HRH1: variants seen among roughly 807,000 people sequenced by gnomAD.
HRH1 encodes the protein histamine receptor H1.
In HRH1, 6 loss-of-function variants were observed where a neutral mutation model predicts 10.3. That is an observed-to-expected ratio of 0.58 (90% CI 0.32 to 1.15). The LOEUF (loss-of-function observed/expected upper bound fraction) is 1.15. Among genes scored for constraint, HRH1 ranks in the 50% most tolerant of loss-of-function variants. The pLI is 0.05. For synonymous variants in HRH1, 242 were observed against 236.7 expected (o/e 1.02, Z -0.21); for missense variants, 514 against 615.3 (o/e 0.84, Z 1.74).
chr3:11,159,585 T>A (rs945625022), intron 1 of HRH1, among the ~76,000 whole-genome samples: 4 of 152,244 alleles, frequency 2.6e-5, no homozygotes, highest in Non-Finnish European at 5.9e-5. Flanking sequence ...TATTTCCAGC[T>A]TATATTTACA....
chr3:11,153,742 C>T (rs1936706237), upstream of HRH1, among the ~76,000 whole-genome samples: 1 of 151,820 alleles, frequency 6.6e-6, no homozygotes. Context: ...TCCCGGGGAC[C>T]TGCAGAGGGG....
At chr3:11,256,348 T>C (rs1939781962) in intron 1 of HRH1, among the ~76,000 whole-genome samples, 1 of 152,126 alleles carries the variant, frequency 6.6e-6, no homozygotes, top group South Asian at 2.1e-4. Flanking sequence ...CATGAGAAGA[T>C]GGAGGCCAAG....
Position 11,163,620 on chromosome 3 carries a change from C to T in HRH1, c.-36+9066C>T, listed in dbSNP as rs562600378. ...CCCCTATAAGGTTGTGAGGCCTCAC[C>T]CCTATAAGGCTAATATGTCAAATGT... is the stretch of plus-strand genomic sequence containing the variant. On this transcript the variant is annotated intron_variant, in intron 1 of 1. Transcript: ENST00000431010. Among the ~76,000 whole-genome samples, 6 of 152,216 alleles carry T rather than the reference C, an allele frequency of 3.9e-5. No individual in the cohort carries two copies. In the South Asian group the frequency reaches 1.2e-3, roughly 32 times the overall value.
At chr3:11,140,610 C>T (rs1344830542) in intron 1 of HRH1, among the ~76,000 whole-genome samples, 2 of 152,260 alleles carry the variant, frequency 1.3e-5, no homozygotes, top group Admixed American at 6.5e-5. Flanking sequence ...CGGGTGACCT[C>T]TTCCTGAAAC....
intron 1 of HRH1, among the ~76,000 whole-genome samples, chr3:11,212,686 A>T (rs984540063): frequency 6.6e-6 from 1 of 152,220 alleles, no homozygotes; most frequent in Non-Finnish European, 1.5e-5. Context: ...GAAAAAGTCC[A>T]CAAGTACCTT....
chr3:11,139,051 G>A (rs1574965099), intron 1 of HRH1, among the ~76,000 whole-genome samples: 6 of 149,774 alleles, frequency 4.0e-5, no homozygotes, highest in Admixed American at 1.3e-4. Context: ...GCAATGGTGC[G>A]ATCTCGGCTC....
chr3:11,186,458 C>T (rs970960968), intron 1 of HRH1, among the ~76,000 whole-genome samples: 5 of 152,158 alleles, frequency 3.3e-5, no homozygotes, highest in Non-Finnish European at 5.9e-5. Context: ...ATTATTATAA[C>T]CATTTTGCAG....
rs549600028 is a variant in HRH1, at chr3:11,209,788, A to G, written c.-35-49215A>G. 1.5e-4 allele frequency among the ~76,000 whole-genome samples: 23 copies of G among 152,238 alleles called. No individual in the cohort carries two copies. In the East Asian group the frequency reaches 2.9e-3, roughly 19 times the overall value. On this transcript the variant is annotated intron_variant, in intron 1 of 1. Transcript: ENST00000431010. ...GGCTCCATTATTTTGGTGAATTAGT[A>G]CTCTATTTTACAGAGGAGGGAGCTG...
At chr3:11,256,975 G>A (rs1042756901) in intron 1 of HRH1, among the ~76,000 whole-genome samples, 2 of 151,458 alleles carry the variant, frequency 1.3e-5, no homozygotes, top group African/African-American at 2.4e-5. Context: ...AAACTTGGCC[G>A]GGCGCAGTGG....
At chr3:11,182,036 G>T (rs915867892) in intron 1 of HRH1, among the ~76,000 whole-genome samples, 1 of 152,144 alleles carries the variant, frequency 6.6e-6, no homozygotes, top group Non-Finnish European at 1.5e-5. Context: ...AGGCTAGAGT[G>T]CAGTGACACA....
At chr3:11,148,421 T>G (rs1411688919) in intron 1 of HRH1, among the ~76,000 whole-genome samples, 1 of 152,062 alleles carries the variant, frequency 6.6e-6, no homozygotes, top group East Asian at 1.9e-4. Flanking sequence ...ATATGCAAGA[T>G]AGAAGTGTCT....
intron 1 of HRH1, among the ~76,000 whole-genome samples, chr3:11,232,571 TC>T (rs1939071068): frequency 2.0e-5 from 3 of 152,228 alleles, no homozygotes; most frequent in Admixed American, 2.0e-4. Context: ...GGTCGATTTC[TC>T]CCATTTTATT....
intron 1 of HRH1, among the ~76,000 whole-genome samples, chr3:11,231,712 A>C (rs1384895338): frequency 6.6e-6 from 1 of 151,950 alleles, no homozygotes; most frequent in African/African-American, 2.4e-5. Context: ...GAGTTTTGAG[A>C]GTTCTTTATA....
At chr3:11,203,161 A>G (rs187483105) in intron 1 of HRH1, among the ~76,000 whole-genome samples, 88 of 152,328 alleles carry the variant, frequency 5.8e-4, no homozygotes, top group African/African-American at 1.7e-3. Flanking sequence ...ACCAAAGGAC[A>G]TCTTACTTGC....
chr3:11,252,723 A>G (rs2152587049), intron 1 of HRH1: 1 of 152,396 alleles, frequency 6.6e-6, no homozygotes, highest in East Asian at 1.9e-4. Flanking sequence ...ACAGGGAGAC[A>G]TACAGGATTT....
intron 1 of HRH1, among the ~76,000 whole-genome samples, chr3:11,139,270 AGCCGCCC>A (rs1194126248): frequency 6.8e-6 from 1 of 147,972 alleles, no homozygotes; most frequent in Non-Finnish European, 1.5e-5. Flanking sequence ...TACAGGAACG[AGCCGCCC>A]GCCTTTTTTT....
intron 1 of HRH1, among the ~76,000 whole-genome samples, chr3:11,236,296 G>T (rs1480351656): frequency 1.3e-5 from 2 of 152,232 alleles, no homozygotes; most frequent in Non-Finnish European, 2.9e-5. Context: ...AGATGTGGTG[G>T]CAGGTGCCTG....
At chr3:11,179,785 T>TA (rs929201127) in intron 1 of HRH1, among the ~76,000 whole-genome samples, 1 of 149,958 alleles carries the variant, frequency 6.7e-6, no homozygotes, top group African/African-American at 2.5e-5. Flanking sequence ...TTTTTTTTTT[T>TA]ATAGAGACAA....
intron 1 of HRH1, among the ~76,000 whole-genome samples, chr3:11,164,513 G>GTGTTTTGTTTTGTTT (rs55637138): frequency 0.016 from 2,454 of 151,498 alleles, 65 homozygotes; most frequent in African/African-American, 0.05. Flanking sequence ...GAAATTGATG[G>GTGTTTTGTTTTGTTT]TGTTTTGTTT....
Sources: gnomAD v4.1 joint callset for allele counts (sites outside exome capture counted in the v4.1 genomes callset) on GRCh38, gnomAD v4.1.1 for gene constraint, MANE v1.5 for transcripts, NCBI Gene and HGNC (gene_info 2026-07-23, HGNC 2026-07-21) for gene names.